Variants in ARHGEF28 observed in about 807,000 individuals in gnomAD.
The protein encoded by ARHGEF28 is Rho guanine nucleotide exchange factor 28, also known as 190 kDa guanine nucleotide exchange factor.
Under a neutral mutation model 206.6 loss-of-function variants are expected in ARHGEF28, and 152 were observed. The observed-to-expected ratio is 0.74, with a 90% CI of 0.64 to 0.84. The LOEUF (loss-of-function observed/expected upper bound fraction) is 0.84, where lower values mean the gene tolerates loss of function less well. ARHGEF28 is among the 40% of genes least tolerant of loss of function. The probability of loss-of-function intolerance (pLI) is 0.00; values close to 1 mark genes in which losing one functional copy is unlikely to be tolerated. For synonymous variants in ARHGEF28, 763 were observed against 776.4 expected, an observed-to-expected ratio of 0.98 and a Z score of 0.29; for missense variants, 2,028 against 2,073.2, an observed-to-expected ratio of 0.98 and a Z score of 0.42.
Position 73,858,134 on chromosome 5 carries a change from G to T in ARHGEF28, c.1962G>T (p.Gln654His). 1.2e-6 allele frequency: 2 copies of T among 1,612,178 alleles called. No homozygotes were observed. The highest frequency in any genetic ancestry group is 1.7e-4 in the Middle Eastern group (1 of 6,056). The change falls in exon 16 of 36, where the codon CAG becomes CAT. Residue 654 changes from glutamine (Q) to histidine (H), a missense_variant. This residue lies in a region of ARHGEF28 where 1,002 missense variants were observed against 1,015.3 expected (regional missense o/e 0.99). Transcript: ENST00000513042. ...AKDKEKLNRH[Q>H]FAPGTFSGVL... ...ATAAAGAGAAGCTGAATCGACATCA[G>T]TTTGCCCCAGGAACATTCTCTGGGG...
chr5:73,630,923 T>C (rs999432729), intron 1 of ARHGEF28, among the ~76,000 whole-genome samples: 3 of 152,262 alleles, frequency 2.0e-5, no homozygotes, highest in Non-Finnish European at 4.4e-5. Flanking sequence ...GAATAGATGA[T>C]GAGCTGTCAC....
chr5:73,802,980 G>C (rs534101878), intron 9 of ARHGEF28, among the ~76,000 whole-genome samples: 2 of 150,914 alleles, frequency 1.3e-5, no homozygotes, highest in South Asian at 4.2e-4. Flanking sequence ...GGACTTTAGG[G>C]CAATTAAGAT....
At chr5:73,799,344 T>A (rs1005701270) in intron 9 of ARHGEF28, among the ~76,000 whole-genome samples, 2 of 152,190 alleles carry the variant, frequency 1.3e-5, no homozygotes, top group Non-Finnish European at 2.9e-5. Flanking sequence ...GCGAATGGCT[T>A]GATTAGACAC....
chr5:73,633,214 C>G (rs1165464200), intron 1 of ARHGEF28, among the ~76,000 whole-genome samples: 1 of 152,178 alleles, frequency 6.6e-6, no homozygotes, highest in Non-Finnish European at 1.5e-5. Flanking sequence ...AAGCTTCACT[C>G]TCTTGCGTAC....
intron 9 of ARHGEF28, among the ~76,000 whole-genome samples, chr5:73,800,623 A>T (rs1395879357): frequency 6.6e-6 from 1 of 152,066 alleles, no homozygotes; most frequent in Non-Finnish European, 1.5e-5. Flanking sequence ...ACCCAACTTC[A>T]TACCAAAAAA....
At chr5:73,708,361 C>T (rs993325307) in intron 2 of ARHGEF28, among the ~76,000 whole-genome samples, 2 of 152,210 alleles carry the variant, frequency 1.3e-5, no homozygotes, top group African/African-American at 4.8e-5. Flanking sequence ...CCCTTTCTCC[C>T]CACCTTAATA....
chr5:73,747,852 T>C (rs1275998115), intron 2 of ARHGEF28, among the ~76,000 whole-genome samples: 1 of 152,184 alleles, frequency 6.6e-6, no homozygotes, highest in African/African-American at 2.4e-5. Context: ...TACAAGACTG[T>C]AATGTTCAGG....
At chr5:73,910,329 C>T (rs1762818793) in intron 34 of ARHGEF28, among the ~76,000 whole-genome samples, 1 of 130,006 alleles carries the variant, frequency 7.7e-6, no homozygotes, top group East Asian at 2.4e-4. Context: ...TGCAGTGAGC[C>T]GAGATCACGC....
At chr5:73,651,970 C>T (rs371652884) in intron 1 of ARHGEF28, among the ~76,000 whole-genome samples, 3 of 152,162 alleles carry the variant, frequency 2.0e-5, no homozygotes, top group South Asian at 2.1e-4. Context: ...TCTCAGGCTT[C>T]GGAGACCTGT....
chr5:73,895,442 C>CTA (rs1404694126), intron 29 of ARHGEF28, among the ~76,000 whole-genome samples: 33 of 152,112 alleles, frequency 2.2e-4, no homozygotes, highest in African/African-American at 7.7e-4. Context: ...GGCTGAAGGT[C>CTA]TATAGAGGAA....
chr5:73,937,245 A>G (rs1473122553), intron 35 of ARHGEF28, among the ~76,000 whole-genome samples: 6 of 152,214 alleles, frequency 3.9e-5, no homozygotes, highest in African/African-American at 1.4e-4. Context: ...TTTTGAAACC[A>G]TGTTAGGAGA....
At chr5:73,779,999 T>C (rs1753745441) in intron 6 of ARHGEF28, among the ~76,000 whole-genome samples, 1 of 152,152 alleles carries the variant, frequency 6.6e-6, no homozygotes, top group Non-Finnish European at 1.5e-5. Flanking sequence ...ATACTGATGA[T>C]TGATTTTAGA....
rs568112623 is a variant in ARHGEF28, at chr5:73,758,193, AAC to A, written c.475+4995_475+4996del. Among the ~76,000 whole-genome samples the A allele has an allele frequency of 2.8e-4, 42 of 152,294 alleles. 1 individual carries two copies. The East Asian group carries it at 7.5e-3, about 27-fold the overall frequency. On this transcript the variant is annotated intron_variant, in intron 4 of 35. Transcript: ENST00000513042. ...AAAGACAGATGGCATCGTTCCTGTG[AAC>A]ACAGTAGCTTCTCTCCTAACCTATG...
At chr5:73,868,681 C>G (rs1580009887) in intron 20 of ARHGEF28, among the ~76,000 whole-genome samples, 4 of 152,312 alleles carry the variant, frequency 2.6e-5, no homozygotes, top group Non-Finnish European at 5.9e-5. Flanking sequence ...GAGTCTCACT[C>G]TGTTGCCCAG....
chr5:73,719,543 C>G (rs796290157), intron 2 of ARHGEF28, among the ~76,000 whole-genome samples: 3 of 152,264 alleles, frequency 2.0e-5, no homozygotes, highest in African/African-American at 7.2e-5. Flanking sequence ...TTTCTCTTTT[C>G]CTTTCTGCAG....
intron 1 of ARHGEF28, among the ~76,000 whole-genome samples, chr5:73,662,006 G>A (rs1745630079): frequency 6.6e-6 from 1 of 151,926 alleles, no homozygotes; most frequent in Admixed American, 6.6e-5. Flanking sequence ...TATCTGCACA[G>A]AACACAAAAA....
At chr5:73,934,148 G>A (rs531554481) in intron 35 of ARHGEF28, among the ~76,000 whole-genome samples, 2 of 152,164 alleles carry the variant, frequency 1.3e-5, no homozygotes, top group South Asian at 2.1e-4. Flanking sequence ...GAAAAGACAG[G>A]TTCAATTATT....
chr5:73,880,950 G>T, intron 22 of ARHGEF28, among the ~76,000 whole-genome samples: 1 of 147,120 alleles, frequency 6.8e-6, no homozygotes, highest in South Asian at 2.2e-4. Context: ...AAAAAAAGTT[G>T]TACAGTTTGT....
intron 13 of ARHGEF28, 105 bp downstream of exon 13, chr5:73,849,192 C>G (rs1007986587): frequency 2.3e-6 from 2 of 851,188 alleles, no homozygotes; most frequent in Admixed American, 3.2e-5. Context: ...CAAGAATTTT[C>G]CATTCTGTTT....
Sources: gnomAD v4.1 joint callset for allele counts (sites outside exome capture counted in the v4.1 genomes callset) on GRCh38, gnomAD v4.1.1 for gene constraint, gnomAD v4.1.1 regional missense constraint, MANE v1.5 for transcripts, NCBI Gene and HGNC (gene_info 2026-07-23, HGNC 2026-07-21) for gene names.